ADD2: variants seen among roughly 807,000 people sequenced by gnomAD.
The protein encoded by ADD2 is adducin 2.
Under a neutral mutation model 83.0 loss-of-function variants are expected in ADD2, and 23 were observed. That is an observed-to-expected ratio of 0.28 (90% CI 0.20 to 0.39). The LOEUF (loss-of-function observed/expected upper bound fraction) is 0.39. Among genes scored for constraint, ADD2 ranks in the 10% least tolerant of loss-of-function variants. ADD2 has a pLI of 1.00. For synonymous variants in ADD2, 375 were observed against 375.4 expected, an observed-to-expected ratio of 1.00 and a Z score of 0.01; for missense variants, 758 against 944.9, an observed-to-expected ratio of 0.80 and a Z score of 2.59.
At chr2:70,672,828 C>T (rs1553367342) in intron 15 of ADD2, 50 bp downstream of exon 15, 1 of 1,560,400 alleles carries the variant, frequency 6.4e-7, no homozygotes, top group Admixed American at 2.0e-5. Context: ...CCTTCCCAGC[C>T]TGCAGATGCA....
chr2:70,704,776 G>A (rs1671799363), intron 3 of ADD2, among the ~76,000 whole-genome samples: 1 of 152,208 alleles, frequency 6.6e-6, no homozygotes, highest in Non-Finnish European at 1.5e-5. Flanking sequence ...CTTCACTTTA[G>A]TAATGAAGGA....
intron 1 of ADD2, among the ~76,000 whole-genome samples, chr2:70,747,429 T>TGCCATGTGCTCTCCCA (rs1553382216): frequency 8.4e-5 from 7 of 83,036 alleles, no homozygotes; most frequent in Admixed American, 7.2e-4. Context: ...TGCTCTCCCA[T>TGCCATGTGCTCTCCCA]CATGCCATGT....
At chr2:70,754,776 C>A (rs2104540903) in intron 1 of ADD2, among the ~76,000 whole-genome samples, 1 of 152,264 alleles carries the variant, frequency 6.6e-6, no homozygotes, top group South Asian at 2.1e-4. Flanking sequence ...ACCAAGATCA[C>A]CACTTTCAAT....
intron 4 of ADD2, 58 bp downstream of exon 4, chr2:70,704,263 T>TGGCCCCCCCCCCCCCCCCCCCAC: frequency 5.5e-6 from 5 of 913,236 alleles, no homozygotes; most frequent in Non-Finnish European, 8.4e-6. Context: ...CTCCCTCTCT[T>TGGCCCCCCCCCCCCCCCCCCCAC]CCCCACCCCA....
chr2:70,708,505 T>C (rs1672018385), intron 2 of ADD2, among the ~76,000 whole-genome samples: 1 of 152,212 alleles, frequency 6.6e-6, no homozygotes, highest in Admixed American at 6.5e-5. Context: ...GGTTGCAACA[T>C]GTAATGGAAG....
At chr2:70,761,948 C>T (rs782577999) in intron 1 of ADD2, among the ~76,000 whole-genome samples, 7 of 151,580 alleles carry the variant, frequency 4.6e-5, no homozygotes, top group Non-Finnish European at 7.4e-5. Flanking sequence ...GGATTACAGG[C>T]GTGAGCCACC....
intron 9 of ADD2, among the ~76,000 whole-genome samples, 170 bp downstream of exon 9, chr2:70,687,854 G>A (rs1670818674): frequency 6.6e-6 from 1 of 152,206 alleles, no homozygotes; most frequent in Non-Finnish European, 1.5e-5. Flanking sequence ...AATCCTAAGT[G>A]TGAAACTTTA....
chr2:70,747,450 C>G (rs1342878059), intron 1 of ADD2, among the ~76,000 whole-genome samples: 1 of 150,268 alleles, frequency 6.7e-6, no homozygotes, highest in African/African-American at 2.5e-5. Flanking sequence ...GCTCTCCCAT[C>G]ATGCCATGTG....
intron 3 of ADD2, 141 bp from the exon 4 acceptor site, chr2:70,704,600 TGA>T: frequency 2.2e-6 from 2 of 906,514 alleles, no homozygotes; most frequent in Non-Finnish European, 3.3e-6. Context: ...CAGGGGACAC[TGA>T]GCAGTTCCAC....
intron 6 of ADD2, among the ~76,000 whole-genome samples, chr2:70,693,989 C>T (rs1671183928): frequency 6.6e-6 from 1 of 151,972 alleles, no homozygotes; most frequent in African/African-American, 2.4e-5. Context: ...AAAACAGAAG[C>T]CCAATGCTAG....
chr2:70,709,679 G>A (rs141533153), intron 2 of ADD2, among the ~76,000 whole-genome samples: 47 of 152,302 alleles, frequency 3.1e-4, no homozygotes, highest in Non-Finnish European at 4.9e-4. Context: ...AGATACATTC[G>A]TGTAATAAAG....
chr2:70,665,871 A>G (rs1553366064), intron 15 of ADD2, among the ~76,000 whole-genome samples: 1 of 149,528 alleles, frequency 6.7e-6, no homozygotes, highest in African/African-American at 2.5e-5. Context: ...GCTGGAGTGC[A>G]ATGGTGGAAT....
chr2:70,732,915 T>C (rs916826582), intron 1 of ADD2, among the ~76,000 whole-genome samples: 3 of 152,166 alleles, frequency 2.0e-5, no homozygotes, highest in Non-Finnish European at 2.9e-5. Flanking sequence ...GTTGCTGAAA[T>C]GCCTGGGGGA....
Position 70,696,262 on chromosome 2 carries a change from T to C in ADD2, c.457A>G (p.Ser153Gly), listed in dbSNP as rs1553372663. The change falls in exon 5 of 16, where the codon AGT becomes GGT. Residue 153 changes from serine to glycine, a missense_variant. By Grantham distance (56) the Ser-to-Gly change is moderately conservative. Around this residue, in one of 5 missense-constraint regions of ADD2, gnomAD observed 10 missense variants for 31.1 expected, o/e 0.32. Transcript: ENST00000264436. The part of the protein sequence containing the change: ...LLDLYGWAQL[S>G]DTYVTLRVSK... The stretch of plus-strand genomic sequence containing the variant: ...CTGCTCACCGTGACATAGGTGTCAC[T>C]CAGCTGGGCCCAGCCATAGAGGTCC... 1 of 1,612,988 alleles carries C rather than the reference T, an allele frequency of 6.2e-7. No homozygotes were observed. The highest frequency in any genetic ancestry group is 1.1e-5 in the South Asian group (1 of 90,670).
intron 1 of ADD2, among the ~76,000 whole-genome samples, chr2:70,766,201 G>A (rs1369933861): frequency 6.6e-6 from 1 of 152,164 alleles, no homozygotes; most frequent in Admixed American, 6.5e-5. Context: ...AAATTCTTAT[G>A]GATTTTGGAT....
intron 1 of ADD2, among the ~76,000 whole-genome samples, chr2:70,734,844 T>C (rs1173955206): frequency 6.6e-6 from 1 of 152,208 alleles, no homozygotes; most frequent in Non-Finnish European, 1.5e-5. Context: ...TGAGTAAGTG[T>C]GTTATCTGTC....
intron 4 of ADD2, among the ~76,000 whole-genome samples, chr2:70,699,508 A>G (rs1671479715): frequency 6.6e-6 from 1 of 152,220 alleles, no homozygotes; most frequent in Admixed American, 6.5e-5. Flanking sequence ...GGCCAGGCAC[A>G]GTGGCTCACA....
Position 70,663,287 on chromosome 2 carries a change from G to A in ADD2, c.*138C>T. On this transcript the variant is annotated 3_prime_UTR_variant, in exon 16 of 16. Coordinates refer to ENST00000264436, the MANE Select transcript of ADD2 (RefSeq NM_001617.4). ...CTGTAAAACGAAGGGTTGGTCGGGT[G>A]ATCTCTAAGTTCCCCTTCCGAATGT... 1 of 999,384 alleles carries A rather than the reference G, an allele frequency of 1.0e-6. No homozygotes were observed. Among genetic ancestry groups the A allele is most frequent in the Non-Finnish European group, 1.5e-6 (1 of 676,488 alleles). The allele number at this position is 999,384 out of a possible 1,614,324, so 61.9% of individuals were successfully genotyped here.
chr2:70,663,698 G>A lies in ADD2; in HGVS notation c.1908C>T (p.Thr636=), dbSNP rs781869567. Residue 636 remains threonine, a synonymous_variant, in exon 16 of 16, where the codon ACC becomes ACT. Coordinates refer to ENST00000264436, the MANE Select transcript of ADD2 (RefSeq NM_001617.4). ...CCGGCTGGGTTGTTTCGGGCTCTGT[G>A]GTGGCGGCTTTGCTTGTTTCTGTCT... ...TKKTETSKAA[T]TEPETTQPEG... is the part of the protein sequence containing the mutation. The A allele has an allele frequency of 6.2e-7, 1 of 1,614,090 alleles. No homozygotes were observed. The highest frequency in any genetic ancestry group is 1.1e-5 in the South Asian group (1 of 91,072).
Sources: allele counts gnomAD v4.1 joint callset (sites outside exome capture counted in the v4.1 genomes callset), GRCh38; gene constraint gnomAD v4.1.1; regional missense constraint gnomAD v4.1.1; transcripts MANE v1.5; gene names NCBI Gene and HGNC (gene_info 2026-07-23, HGNC 2026-07-21).